DBNL: variants seen among roughly 807,000 people sequenced by gnomAD.
DBNL encodes drebrin like.
DBNL carries 35 observed loss-of-function variants against 62.2 expected under a neutral mutation model. The observed-to-expected ratio is 0.56, with a 90% CI of 0.43 to 0.75. The LOEUF (loss-of-function observed/expected upper bound fraction) is 0.75, where lower values mean the gene tolerates loss of function less well. Ranked by LOEUF, DBNL falls within the 30% of genes least tolerant of loss-of-function variation. DBNL has a pLI of 0.00. For synonymous variants in DBNL, 197 were observed against 218.0 expected (o/e 0.90, Z 0.85); for missense variants, 495 against 578.4 (o/e 0.86, Z 1.48).
chr7:44,055,192 G>A (rs540281575), intron 4 of DBNL, among the ~76,000 whole-genome samples: 5 of 152,312 alleles, frequency 3.3e-5, no homozygotes, highest in African/African-American at 7.2e-5. Context: ...TTGTCTAGGC[G>A]CGATGGCTCA....
At chr7:44,048,049 T>C (rs1331809645) in intron 1 of DBNL, among the ~76,000 whole-genome samples, 1 of 151,964 alleles carries the variant, frequency 6.6e-6, no homozygotes, top group Non-Finnish European at 1.5e-5. Context: ...CCCAAGTAGC[T>C]GGGATTACAG....
chr7:44,065,515 G>A lies in DBNL; in HGVS notation c.*4599G>A, dbSNP rs1430361929. 3 of 1,613,900 alleles carry A rather than the reference G, an allele frequency of 1.9e-6. No homozygotes were observed. In the African/African-American group the frequency reaches 4.0e-5, roughly 22 times the overall value. The stretch of plus-strand genomic sequence containing the variant: ...TCTCGCCGTGCCGGACCATCACGAG[G>A]CGGTGAGTGGCCATGGTGGCAGCAG... On this transcript the variant is annotated 3_prime_UTR_variant, in exon 13 of 13. Transcript: ENST00000448521.
At position 44,060,790 on chromosome 7, in the gene DBNL, GA is replaced by G; in HGVS notation, c.1168del (p.Ile390SerfsTer14). On this transcript the variant is annotated frameshift_variant, in exon 13 of 13. Transcript: ENST00000448521. LOFTEE classifies it high-confidence loss of function. The surrounding 1 kb of genome is among the most constrained non-coding windows in gnomAD (Gnocchi z 6.3). ...TCCTCTTTGCAGCCGACGACACAGA[GA>G]TCTCCTTTGACCCCGAGAACCTCAT... ...YDYQAADDTE[I>X]SFDPENLITG... 6.2e-7 allele frequency: 1 copy of G among 1,613,984 alleles called. No individual in the cohort carries two copies. The highest frequency in any genetic ancestry group is 8.5e-7 in the Non-Finnish European group (1 of 1,179,952).
chr7:44,057,745 C>T lies in DBNL; in HGVS notation c.475-37C>T, dbSNP rs2096139087. On this transcript the variant is annotated intron_variant, in intron 5 of 12. Coordinates refer to ENST00000448521, the MANE Select transcript of DBNL (RefSeq NM_001014436.3). Reference sequence around the variant, plus strand: ...GGTGCCTGTGGGCCTGGCCTTCCACCTGGGTCCAGGTCTCTAATGAGTGCT... The same window carrying T: ...GGTGCCTGTGGGCCTGGCCTTCCACTTGGGTCCAGGTCTCTAATGAGTGCT... The T allele has an allele frequency of 1.9e-6, 3 of 1,612,626 alleles. No individual in the cohort carries two copies. The East Asian group carries it at 6.7e-5, about 36-fold the overall frequency.
chr7:44,068,651 G>T lies in DBNL; in HGVS notation c.*7735G>T, dbSNP rs1162079203. On this transcript the variant is annotated 3_prime_UTR_variant, in exon 13 of 13. Coordinates refer to ENST00000448521, the MANE Select transcript of DBNL (RefSeq NM_001014436.3). ...CCTGAGATGATTCAACTATTGGAAT[G>T]ATCAGATACAGACTTCAAAGCAGCT... is the stretch of plus-strand genomic sequence containing the variant. The T allele has an allele frequency of 6.6e-6, 1 of 152,192 alleles. No individual in the cohort carries two copies. The highest frequency in any genetic ancestry group is 2.4e-5 in the African/African-American group (1 of 41,444). 9.4% of individuals were successfully genotyped at this position (152,192 alleles called of 1,614,324 possible).
intron 6 of DBNL, 26 bp from the exon 7 acceptor site, chr7:44,058,103 T>C: frequency 6.4e-7 from 1 of 1,551,524 alleles, no homozygotes. Flanking sequence ...AGCATAGGGC[T>C]GAGCGGGCAG....
At position 44,044,786 on chromosome 7, in the gene DBNL, G is replaced by A. The variant is rs1339094770; in HGVS notation, c.49G>A (p.Val17Met). 6.7e-7 allele frequency: 1 copy of A among 1,502,114 alleles called. No homozygotes were observed. The highest frequency in any genetic ancestry group is 2.8e-5 in the East Asian group (1 of 35,772). 93.0% of individuals were successfully genotyped at this position (1,502,114 alleles called of 1,614,324 possible). A position where few individuals can be genotyped will look rare whatever the true frequency, so the allele number is the denominator to read the frequency against. Residue 17 changes from valine (V) to methionine (M), a missense_variant, in exon 1 of 13, where the codon GTG becomes ATG. Transcript: ENST00000448521. ...CGGGCCAGCGCTGCAAGAGGCCTAC[G>A]TGCGGGTGGTCACCGAGAAGTCCCC... ...RNGPALQEAY[V>M]RVVTEKSPTD...
At position 44,059,089 on chromosome 7, in the gene DBNL, G is replaced by GGTGA. The variant is rs75375757; in HGVS notation, c.835+116_835+119dup. ...GCTAGTGACAGATATATCGGTGACG[G>GGTGA]GTGAGTGAGTGAGGAGAAGGGACAC... On this transcript the variant is annotated intron_variant, in intron 9 of 12. Coordinates refer to ENST00000448521, the MANE Select transcript of DBNL (RefSeq NM_001014436.3). The surrounding 1 kb of genome is among the most constrained non-coding windows in gnomAD (Gnocchi z 4.1). 1 of 1,242,286 alleles carries GGTGA rather than the reference G, an allele frequency of 8.0e-7. No individual in the cohort carries two copies. Among genetic ancestry groups the GGTGA allele is most frequent in the Non-Finnish European group, 1.1e-6 (1 of 874,814 alleles). 77.0% of individuals were successfully genotyped at this position (1,242,286 alleles called of 1,614,324 possible). A position where few individuals can be genotyped will look rare whatever the true frequency, so the allele number is the denominator to read the frequency against.
At chr7:44,052,689 T>C (rs1050219771) in intron 3 of DBNL, among the ~76,000 whole-genome samples, 178 bp from the exon 4 acceptor site, 1 of 151,952 alleles carries the variant, frequency 6.6e-6, no homozygotes, top group Non-Finnish European at 1.5e-5. Context: ...GGAGAATCCA[T>C]GAGCCCCTTG....
At chr7:44,046,854 T>G (rs990738644) in intron 1 of DBNL, among the ~76,000 whole-genome samples, 4 of 152,236 alleles carry the variant, frequency 2.6e-5, no homozygotes, top group African/African-American at 9.6e-5. Flanking sequence ...GCTGATGCCC[T>G]GCATGACCCA....
chr7:44,059,264 C>A lies in DBNL; in HGVS notation c.836-90C>A. The A allele has an allele frequency of 7.4e-7, 1 of 1,352,936 alleles. No individual in the cohort carries two copies. The highest frequency in any genetic ancestry group is 1.0e-6 in the Non-Finnish European group (1 of 972,824). 83.8% of individuals were successfully genotyped at this position (1,352,936 alleles called of 1,614,324 possible). On this transcript the variant is annotated intron_variant, in intron 9 of 12. Transcript: ENST00000448521. The surrounding 1 kb of genome is among the most constrained non-coding windows in gnomAD (Gnocchi z 4.1). ...GCAAGAGCAAGCCCCATGAGACTGC[C>A]TCGAGCACACCAGGGTGGAGGGTGC... is the stretch of plus-strand genomic sequence containing the variant.
rs966466738 is a variant in DBNL, at chr7:44,059,087, C to T, written c.835+104C>T. ...AGGCTAGTGACAGATATATCGGTGA[C>T]GGGTGAGTGAGTGAGGAGAAGGGAC... On this transcript the variant is annotated intron_variant, in intron 9 of 12. Transcript: ENST00000448521. This position sits in a 1 kb window ranked among gnomAD's most constrained non-coding sequence, Gnocchi z 4.1. The T allele has an allele frequency of 1.6e-5, 20 of 1,269,122 alleles. No individual in the cohort carries two copies. Among genetic ancestry groups the T allele is most frequent in the Middle Eastern group, 4.9e-4 (2 of 4,056 alleles). The allele number at this position is 1,269,122 out of a possible 1,614,324, so 78.6% of individuals were successfully genotyped here. A position where few individuals can be genotyped will look rare whatever the true frequency, so the allele number is the denominator to read the frequency against.
In DBNL at chr7:44,061,806, C is replaced by G. The variant is rs1190332542; in HGVS notation, c.*890C>G. On this transcript the variant is annotated 3_prime_UTR_variant, in exon 13 of 13. Transcript: ENST00000448521. The stretch of plus-strand genomic sequence containing the variant: ...TGTGGGAATAGCACCCCACCACCTG[C>G]CCAGTGTCTGCCTCTGCTCCGTGTC... 2 of 152,458 alleles carry G rather than the reference C, an allele frequency of 1.3e-5. No individual in the cohort carries two copies. The highest frequency in any genetic ancestry group is 2.9e-5 in the Non-Finnish European group (2 of 68,218). 9.4% of individuals were successfully genotyped at this position (152,458 alleles called of 1,614,324 possible). A position where few individuals can be genotyped will look rare whatever the true frequency, so the allele number is the denominator to read the frequency against.
chr7:44,066,691 T>G lies in DBNL; in HGVS notation c.*5775T>G, dbSNP rs2096160718. On this transcript the variant is annotated 3_prime_UTR_variant, in exon 13 of 13. Coordinates refer to ENST00000448521, the MANE Select transcript of DBNL (RefSeq NM_001014436.3). ...CTCCCTCCATCCCTGCTGGCCTACCTGGGGAGGGGCTCCTGGCTTGGGGCC... is the reference window on the plus strand; with the variant it reads ...CTCCCTCCATCCCTGCTGGCCTACCGGGGGAGGGGCTCCTGGCTTGGGGCC... 1.3e-5 allele frequency: 2 copies of G among 152,590 alleles called. No individual in the cohort carries two copies. The highest frequency in any genetic ancestry group is 1.5e-5 in the Non-Finnish European group (1 of 68,226). 9.5% of individuals were successfully genotyped at this position (152,590 alleles called of 1,614,324 possible). A position where few individuals can be genotyped will look rare whatever the true frequency, so the allele number is the denominator to read the frequency against.
intron 4 of DBNL, among the ~76,000 whole-genome samples, chr7:44,056,444 A>G (rs1272964548): frequency 6.6e-6 from 1 of 152,172 alleles, no homozygotes; most frequent in Non-Finnish European, 1.5e-5. Context: ...AAGGCCTTTG[A>G]TGCAAATTAT....
Position 44,062,835 on chromosome 7 carries a change from G to A in DBNL, c.*1919G>A, listed in dbSNP as rs940696430. 6.2e-7 allele frequency: 1 copy of A among 1,614,234 alleles called. No individual in the cohort carries two copies. The highest frequency in any genetic ancestry group is 1.3e-5 in the African/African-American group (1 of 75,060). On this transcript the variant is annotated 3_prime_UTR_variant, in exon 13 of 13. Coordinates refer to ENST00000448521, the MANE Select transcript of DBNL (RefSeq NM_001014436.3). ...ACCGTTTCCTCATCACCCAGGAACT[G>A]CATGGGCTTGGTGGGCTTCAGCTCC...
chr7:44,051,882 C>T lies in DBNL; in HGVS notation c.192C>T (p.Tyr64=), dbSNP rs758949373. ...VEELNSGKVM[Y]AFCRVKDPNS... ...AGCTCAACAGCGGGAAGGTGATGTA[C>T]GCCTTCTGCAGAGTGAAGGACCCCA... Residue 64 remains tyrosine, a synonymous_variant, in exon 3 of 13, where the codon TAC becomes TAT. Coordinates refer to ENST00000448521, the MANE Select transcript of DBNL (RefSeq NM_001014436.3). 4.3e-6 allele frequency: 7 copies of T among 1,614,010 alleles called. No homozygotes were observed. Among genetic ancestry groups the T allele is most frequent in the South Asian group, 2.2e-5 (2 of 91,086 alleles).
In DBNL at chr7:44,063,524, C is replaced by T; in HGVS notation, c.*2608C>T. ...CAAACTCCTGACCTCAGGTGATCTG[C>T]CTGCCTCAGCCTCCCAAAGTGCTGG... On this transcript the variant is annotated 3_prime_UTR_variant, in exon 13 of 13. Coordinates refer to ENST00000448521, the MANE Select transcript of DBNL (RefSeq NM_001014436.3). 5.9e-6 allele frequency: 1 copy of T among 170,546 alleles called. No homozygotes were observed. Among genetic ancestry groups the T allele is most frequent in the Admixed American group, 5.4e-5 (1 of 18,428 alleles). 10.6% of individuals were successfully genotyped at this position (170,546 alleles called of 1,614,324 possible).
Position 44,058,417 on chromosome 7 carries a change from G to A in DBNL, c.705-15G>A. ...ACTGTGCCTCAGCTGTGCCCCACCCGGCCCTTCCCAGCAGGACGTGGGAGC... is the reference window on the plus strand; with the variant it reads ...ACTGTGCCTCAGCTGTGCCCCACCCAGCCCTTCCCAGCAGGACGTGGGAGC... On this transcript the variant is annotated splice_polypyrimidine_tract_variant and intron_variant, in intron 7 of 12. Coordinates refer to ENST00000448521, the MANE Select transcript of DBNL (RefSeq NM_001014436.3). The A allele has an allele frequency of 9.3e-6, 15 of 1,614,176 alleles. No homozygotes were observed. Among genetic ancestry groups the A allele is most frequent in the East Asian group, 2.2e-5 (1 of 44,882 alleles).
Sources: allele counts gnomAD v4.1 joint callset (sites outside exome capture counted in the v4.1 genomes callset), GRCh38; gene constraint gnomAD v4.1.1; non-coding constraint Gnocchi (gnomAD v3.1); transcripts MANE v1.5; gene names NCBI Gene and HGNC (gene_info 2026-07-23, HGNC 2026-07-21).